Variants in LAMA4 observed in about 807,000 individuals in gnomAD.
LAMA4 encodes the protein laminin subunit alpha 4.
In LAMA4, 127 loss-of-function variants were observed where a neutral mutation model predicts 207.1. The observed-to-expected ratio is 0.61, with a 90% CI of 0.53 to 0.71. The LOEUF is 0.71. Among genes scored for constraint, LAMA4 ranks in the 30% least tolerant of loss-of-function variants. The pLI is 0.00. For synonymous variants in LAMA4, 761 were observed against 816.0 expected, an observed-to-expected ratio of 0.93 and a Z score of 1.15; for missense variants, 2,093 against 2,246.5, an observed-to-expected ratio of 0.93 and a Z score of 1.38.
At chr6:112,114,254 GAGAA>G in intron 37 of LAMA4, 59 bp from the exon 38 acceptor site, 1 of 1,552,776 alleles carries the variant, frequency 6.4e-7, no homozygotes. Flanking sequence ...TTTTTAACCT[GAGAA>G]AGACTATTTA....
At chr6:112,252,945 A>T (rs1787564492) in intron 2 of LAMA4, among the ~76,000 whole-genome samples, 1 of 152,214 alleles carries the variant, frequency 6.6e-6, no homozygotes, top group South Asian at 2.1e-4. Flanking sequence ...AAGAAGGACC[A>T]TGTTCATGCA....
intron 3 of LAMA4, among the ~76,000 whole-genome samples, chr6:112,212,368 C>T (rs897750393): frequency 3.3e-5 from 5 of 151,918 alleles, no homozygotes; most frequent in South Asian, 2.1e-4. Context: ...GGATTACAGG[C>T]GCCCGCCACA....
At chr6:112,185,979 G>C (rs1782659811) in intron 8 of LAMA4, among the ~76,000 whole-genome samples, 2 of 152,158 alleles carry the variant, frequency 1.3e-5, no homozygotes, top group South Asian at 4.1e-4. Context: ...GACTCCCCTG[G>C]GGGGTAGTGT....
chr6:112,246,591 G>A (rs375483545), intron 2 of LAMA4, among the ~76,000 whole-genome samples: 5 of 146,568 alleles, frequency 3.4e-5, no homozygotes, highest in African/African-American at 7.6e-5. Context: ...CACAATCTCC[G>A]CTCACTGCAA....
Position 112,132,819 on chromosome 6 carries a change from G to T in LAMA4, c.3768C>A (p.Gly1256=). 1.2e-6 allele frequency: 2 copies of T among 1,612,092 alleles called. No individual in the cohort carries two copies. The highest frequency in any genetic ancestry group is 1.7e-6 in the Non-Finnish European group (2 of 1,178,362). ...ASIQKISFFD[G]FEGGFNFRTL... is the part of the protein sequence containing the mutation. ...TTCGGAAATTAAAACCTCCTTCAAA[G>T]CCATCAAAGAAAGATATTTTCTGAA... The change falls in exon 28 of 39, where the codon GGC becomes GGA. Residue 1256 remains glycine, a synonymous_variant. Transcript: ENST00000230538.
chr6:112,179,782 T>C, intron 9 of LAMA4: 1 of 312,380 alleles, frequency 3.2e-6, no homozygotes, highest in Non-Finnish European at 6.6e-6. Flanking sequence ...TGGAGAAGGG[T>C]AATCCCCTCC....
chr6:112,114,228 G>A, intron 37 of LAMA4, 33 bp from the exon 38 acceptor site: 1 of 1,602,604 alleles, frequency 6.2e-7, no homozygotes, highest in Non-Finnish European at 8.5e-7. Context: ...GTCATAAGTG[G>A]CACTGGAGTG....
chr6:112,132,686 C>G (rs1779107307), intron 28 of LAMA4, 67 bp downstream of exon 28: 3 of 1,482,666 alleles, frequency 2.0e-6, no homozygotes, highest in East Asian at 4.6e-5. Flanking sequence ...ACATGCATTA[C>G]AAATTATTTT....
chr6:112,177,437 A>G lies in LAMA4; in HGVS notation c.1189+684T>C, dbSNP rs17073465. ...CTGGATCTTAGCAAACTCTCACCCA[A>G]GGAAATCTTCTTTATCCTATAACAG... On this transcript the variant is annotated intron_variant, in intron 10 of 38. Coordinates refer to ENST00000230538, the MANE Select transcript of LAMA4 (RefSeq NM_001105206.3). Among the ~76,000 whole-genome samples the G allele has an allele frequency of 4.3e-3, 658 of 152,320 alleles. 4 individuals carry two copies. Among genetic ancestry groups the G allele is most frequent in the African/African-American group, 0.015 (622 of 41,580 alleles).
At chr6:112,240,719 G>A (rs1275766512) in intron 2 of LAMA4, among the ~76,000 whole-genome samples, 2 of 152,056 alleles carry the variant, frequency 1.3e-5, no homozygotes, top group African/African-American at 4.8e-5. Context: ...CAGATGGCTG[G>A]ATCTCATTTT....
intron 12 of LAMA4, among the ~76,000 whole-genome samples, chr6:112,169,144 T>C (rs991917702): frequency 6.6e-6 from 1 of 152,088 alleles, no homozygotes; most frequent in Non-Finnish European, 1.5e-5. Flanking sequence ...CATTTAGAGA[T>C]ACCTTGAAAT....
rs782227656 is a variant in LAMA4, at chr6:112,191,852, T to C, written c.504-2A>G. 11 of 1,600,220 alleles carry C rather than the reference T, an allele frequency of 6.9e-6. No individual in the cohort carries two copies. The highest frequency in any genetic ancestry group is 2.7e-5 in the African/African-American group (2 of 74,562). ...TTTCCATAGTAACCGGGAGCACATC[T>C]GAAGAGGAATATCACACATTTAAAT... On this transcript the variant is annotated splice_acceptor_variant, in intron 5 of 38. Transcript: ENST00000230538. LOFTEE classifies it high-confidence loss of function.
At chr6:112,123,730 CAGT>C (rs1429485178) in intron 31 of LAMA4, among the ~76,000 whole-genome samples, 1 of 152,186 alleles carries the variant, frequency 6.6e-6, no homozygotes, top group Non-Finnish European at 1.5e-5. Context: ...GAGACTCTCA[CAGT>C]GGTGGTTAGG....
chr6:112,237,203 C>A (rs1785996433), intron 2 of LAMA4, among the ~76,000 whole-genome samples: 1 of 152,156 alleles, frequency 6.6e-6, no homozygotes, highest in African/African-American at 2.4e-5. Flanking sequence ...AAATATCTCT[C>A]AGGAGAGCAC....
At chr6:112,175,537 A>T in intron 10 of LAMA4, 57 bp from the exon 11 acceptor site, 1 of 1,574,984 alleles carries the variant, frequency 6.3e-7, no homozygotes, top group East Asian at 2.2e-5. Context: ...AGGCACTAGA[A>T]ATGCAAGGGA....
At chr6:112,128,397 C>G (rs1778825970) in intron 31 of LAMA4, among the ~76,000 whole-genome samples, 1 of 152,078 alleles carries the variant, frequency 6.6e-6, no homozygotes, top group Non-Finnish European at 1.5e-5. Flanking sequence ...TCACAGGAGA[C>G]TAGAACTGTG....
intron 24 of LAMA4, among the ~76,000 whole-genome samples, chr6:112,138,774 T>A (rs1779506098): frequency 6.6e-6 from 1 of 152,188 alleles, no homozygotes; most frequent in African/African-American, 2.4e-5. Context: ...ATACAAAGCA[T>A]GCAAGCTTTG....
chr6:112,175,645 G>A lies in LAMA4; in HGVS notation c.1190-165C>T, dbSNP rs73538516. 0.073 allele frequency among the ~76,000 whole-genome samples: 11,116 copies of A among 152,256 alleles called. 1,098 individuals carry two copies. Among genetic ancestry groups the A allele is most frequent in the African/African-American group, 0.23 (9,347 of 41,500 alleles). On this transcript the variant is annotated intron_variant, in intron 10 of 38. Coordinates refer to ENST00000230538, the MANE Select transcript of LAMA4 (RefSeq NM_001105206.3). ...GTGTTCATGCTGTGAATCCCAGCGA[G>A]CATGGAAGCTCATCATCTATTCCAC...
chr6:112,210,505 T>G (rs1415652223), intron 3 of LAMA4, among the ~76,000 whole-genome samples: 1 of 152,132 alleles, frequency 6.6e-6, no homozygotes, highest in Non-Finnish European at 1.5e-5. Flanking sequence ...AGAAATGATA[T>G]CTCTCATGTG....
Sources: allele counts gnomAD v4.1 joint callset (sites outside exome capture counted in the v4.1 genomes callset), GRCh38; gene constraint gnomAD v4.1.1; transcripts MANE v1.5; gene names NCBI Gene and HGNC (gene_info 2026-07-23, HGNC 2026-07-21).